The following CATSPERG variants were observed in gnomAD, a reference collection of about 807,000 sequenced individuals.
The protein encoded by CATSPERG is catsper channel auxiliary subunit gamma.
Under a neutral mutation model 145.0 loss-of-function variants are expected in CATSPERG, and 115 were observed. The ratio of observed to expected loss-of-function variants is 0.79; its 90% CI spans 0.68 to 0.93. CATSPERG has a LOEUF of 0.93. Among genes scored for constraint, CATSPERG ranks in the 40% least tolerant of loss-of-function variants. CATSPERG has a pLI of 0.00. For synonymous variants in CATSPERG, 588 were observed against 589.0 expected, an observed-to-expected ratio of 1.00 and a Z score of 0.02; for missense variants, 1,296 against 1,490.1, an observed-to-expected ratio of 0.87 and a Z score of 2.14.
intron 11 of CATSPERG, 106 bp downstream of exon 11, chr19:38,356,967 A>T: frequency 7.1e-7 from 1 of 1,406,924 alleles, no homozygotes; most frequent in Non-Finnish European, 9.8e-7. Context: ...AGGGAGGGCA[A>T]CATTACCTGT....
At chr19:38,345,633 T>C (rs1158919690) in intron 6 of CATSPERG, among the ~76,000 whole-genome samples, 2 of 151,782 alleles carry the variant, frequency 1.3e-5, no homozygotes, top group Non-Finnish European at 2.9e-5. Flanking sequence ...GCCTCCTGAG[T>C]AGCTGGGATT....
chr19:38,355,539 G>A (rs1240467330), intron 9 of CATSPERG, among the ~76,000 whole-genome samples: 1 of 151,646 alleles, frequency 6.6e-6, no homozygotes, highest in Non-Finnish European at 1.5e-5. Flanking sequence ...TCTACTAAAA[G>A]TACAAAAATC....
chr19:38,362,302 G>T lies in CATSPERG; in HGVS notation c.2157+30G>T, dbSNP rs759162934. 1.9e-6 allele frequency: 3 copies of T among 1,613,628 alleles called. No homozygotes were observed. In the Admixed American group the frequency reaches 5.0e-5, roughly 27 times the overall value. On this transcript the variant is annotated intron_variant, in intron 18 of 28. Coordinates refer to ENST00000409235, the MANE Select transcript of CATSPERG (RefSeq NM_021185.5). ...GCGGAGCGGATTGGGAGCCGGGAAAGGGGCGGCGCCCGGACACCCCTCACC... is the reference window on the plus strand; with the variant it reads ...GCGGAGCGGATTGGGAGCCGGGAAATGGGCGGCGCCCGGACACCCCTCACC...
intron 28 of CATSPERG, 111 bp from the exon 29 acceptor site, chr19:38,370,415 C>T: frequency 6.7e-7 from 1 of 1,483,368 alleles, no homozygotes. Context: ...TCATTCATTT[C>T]CTCCTGCTGT....
chr19:38,362,387 C>G lies in CATSPERG; in HGVS notation c.2169C>G (p.Phe723Leu). Residue 723 changes from phenylalanine (F) to leucine (L), a missense_variant, in exon 19 of 29, where the codon TTC (phenylalanine) becomes TTG (leucine). Coordinates refer to ENST00000409235, the MANE Select transcript of CATSPERG (RefSeq NM_021185.5). Reference sequence around the variant, plus strand: ...ATCCGGTACCCCAGGATTACTACTTCTTCTTGGCGAGCAATTGGCGAAGCG... The same window carrying G: ...ATCCGGTACCCCAGGATTACTACTTGTTCTTGGCGAGCAATTGGCGAAGCG... ...ANNKQDQDYY[F>L]FLASNWRSAG... is the part of the protein sequence containing the mutation. 1 of 1,614,198 alleles carries G rather than the reference C, an allele frequency of 6.2e-7. No individual in the cohort carries two copies. The highest frequency in any genetic ancestry group is 2.2e-5 in the East Asian group (1 of 44,872).
Position 38,360,797 on chromosome 19 carries a change from C to T in CATSPERG, c.1834C>T (p.Leu612=). The change falls in exon 16 of 29, where the codon CTG becomes TTG. Residue 612 remains leucine (L), a synonymous_variant. Transcript: ENST00000409235. The part of the protein sequence containing the change: ...VKRLVPVEQL[L]MYQQHTSHYD... ...GAGGCTCGTGCCCGTGGAGCAGCTT[C>T]TGATGTATCAACAGCACACCAGCCA... 6.2e-7 allele frequency: 1 copy of T among 1,611,620 alleles called. No individual in the cohort carries two copies. The highest frequency in any genetic ancestry group is 8.5e-7 in the Non-Finnish European group (1 of 1,179,196).
chr19:38,353,427 A>G (rs148449188), intron 8 of CATSPERG, among the ~76,000 whole-genome samples: 15 of 149,102 alleles, frequency 1.0e-4, no homozygotes, highest in Middle Eastern at 3.7e-3. Flanking sequence ...AGTAGCTCAC[A>G]CCTGTAATCC....
intron 1 of CATSPERG, chr19:38,336,276 G>A (rs1013881160): frequency 2.2e-6 from 1 of 451,816 alleles, no homozygotes; most frequent in South Asian, 1.6e-5. Flanking sequence ...ACAACGAAGG[G>A]CGAGGAAAGA....
At chr19:38,349,715 A>T (rs1263377577) in intron 7 of CATSPERG, 1 of 152,332 alleles carries the variant, frequency 6.6e-6, no homozygotes, top group Non-Finnish European at 1.5e-5. Flanking sequence ...CCCAGGCTGG[A>T]GTGCAGTGGC....
At chr19:38,367,081 C>A (rs1970462667) in intron 22 of CATSPERG, 75 bp from the exon 23 acceptor site, 3 of 1,412,550 alleles carry the variant, frequency 2.1e-6, no homozygotes, top group Non-Finnish European at 2.8e-6. Flanking sequence ...GGGGACTGTC[C>A]TTCCTGCCCC....
At position 38,359,505 on chromosome 19, in the gene CATSPERG, T is replaced by A. The variant is rs1253543574; in HGVS notation, c.1532T>A (p.Phe511Tyr). 7.4e-6 allele frequency: 12 copies of A among 1,613,580 alleles called. No individual in the cohort carries two copies. The highest frequency in any genetic ancestry group is 1.0e-5 in the Non-Finnish European group (12 of 1,179,724). The change falls in exon 14 of 29, where the codon TTC becomes TAC. Residue 511 changes from phenylalanine (F) to tyrosine (Y), a missense_variant. Coordinates refer to ENST00000409235, the MANE Select transcript of CATSPERG (RefSeq NM_021185.5). ...NKENFIYLAD[F>Y]PKELSIKYMA... ...GAAAACTTCATCTACCTGGCAGACTTCCCCAAGGAACTGTCCATCAAATAC... is the reference window on the plus strand; with the variant it reads ...GAAAACTTCATCTACCTGGCAGACTACCCCAAGGAACTGTCCATCAAATAC...
rs142661600 is a variant in CATSPERG, at chr19:38,339,311, C to T, written c.324+1665C>T. Reference sequence around the variant, plus strand: ...CAGAGCCATGAGCCCTGGATTCTATCGAGGCCATGAGGGATTTTATGCCCT... The same window carrying T: ...CAGAGCCATGAGCCCTGGATTCTATTGAGGCCATGAGGGATTTTATGCCCT... On this transcript the variant is annotated intron_variant, in intron 3 of 28. Transcript: ENST00000409235. 6.5e-3 allele frequency among the ~76,000 whole-genome samples: 995 copies of T among 152,296 alleles called. 8 individuals are homozygous for T. Among genetic ancestry groups the T allele is most frequent in the African/African-American group, 0.022 (931 of 41,550 alleles).
intron 3 of CATSPERG, among the ~76,000 whole-genome samples, chr19:38,339,269 C>A (rs1232299333): frequency 2.1e-5 from 3 of 141,522 alleles, no homozygotes; most frequent in Non-Finnish European, 3.2e-5. Context: ...AAGGAGCAAG[C>A]AAGTCTAGAC....
In CATSPERG at chr19:38,368,104, T is replaced by TTCA. The variant is rs1809546071; in HGVS notation, c.2988_2990dup (p.His997dup). Reference sequence around the variant, plus strand: ...ACAAGGACCACCAAAGACTCAGCCTTTCACATCATGTCCCACGAGAGCCCA... The same window carrying TTCA: ...ACAAGGACCACCAAAGACTCAGCCTTTCATCACATCATGTCCCACGAGAGCCCA... On this transcript the variant is annotated inframe_insertion, in exon 26 of 29. Coordinates refer to ENST00000409235, the MANE Select transcript of CATSPERG (RefSeq NM_021185.5). 1.9e-6 allele frequency: 3 copies of TTCA among 1,614,186 alleles called. No homozygotes were observed. Among genetic ancestry groups the TTCA allele is most frequent in the Non-Finnish European group, 2.5e-6 (3 of 1,180,034 alleles).
intron 7 of CATSPERG, among the ~76,000 whole-genome samples, chr19:38,351,535 G>A (rs1368455398): frequency 6.6e-6 from 1 of 151,900 alleles, no homozygotes; most frequent in African/African-American, 2.4e-5. Context: ...GTGAACCCGG[G>A]AGGCGGAGCT....
At chr19:38,343,857 C>A in intron 4 of CATSPERG, 133 bp downstream of exon 4, 1 of 1,391,174 alleles carries the variant, frequency 7.2e-7, no homozygotes, top group Non-Finnish European at 9.7e-7. Flanking sequence ...CCTAGAGGGG[C>A]CACACAGAGG....
intron 28 of CATSPERG, 21 bp from the exon 29 acceptor site, chr19:38,370,505 C>T (rs1970527988): frequency 6.8e-6 from 11 of 1,613,970 alleles, no homozygotes; most frequent in Non-Finnish European, 8.5e-6. Context: ...CAACTCCTTA[C>T]TCATTCTTTG....
In CATSPERG at chr19:38,359,473, T is replaced by A. The variant is rs777040586; in HGVS notation, c.1500T>A (p.Ser500=). 6.2e-7 allele frequency: 1 copy of A among 1,610,826 alleles called. No individual in the cohort carries two copies. Among genetic ancestry groups the A allele is most frequent in the Admixed American group, 1.7e-5 (1 of 59,980 alleles). Reference sequence around the variant, plus strand: ...CTCTCCATCTCTGTCCCTGCAGCTCTAACAAGGAAAACTTCATCTACCTGG... The same window carrying A: ...CTCTCCATCTCTGTCCCTGCAGCTCAAACAAGGAAAACTTCATCTACCTGG... The part of the protein sequence containing the change: ...FIWGNFLLQS[S]NKENFIYLAD... The change falls in exon 14 of 29, where the codon TCT becomes TCA. Residue 500 remains serine, a synonymous_variant. Transcript: ENST00000409235.
In CATSPERG at chr19:38,360,492, T is replaced by C; in HGVS notation, c.1612T>C (p.Trp538Arg). The C allele has an allele frequency of 6.2e-7, 1 of 1,613,986 alleles. No homozygotes were observed. The highest frequency in any genetic ancestry group is 2.2e-5 in the East Asian group (1 of 44,880). Residue 538 changes from tryptophan to arginine, a missense_variant, in exon 15 of 29, where the codon TGG becomes CGG. Transcript: ENST00000409235. The stretch of plus-strand genomic sequence containing the variant: ...CATCCGGCTGTCATACCCGCAGATC[T>C]GGTACCTCCTGGAGGGCAGCTACCG... ...VAIVTETEEI[W>R]YLLEGSYRVY... is the part of the protein sequence containing the mutation.
Sources: gnomAD v4.1 joint callset for allele counts (sites outside exome capture counted in the v4.1 genomes callset) on GRCh38, gnomAD v4.1.1 for gene constraint, MANE v1.5 for transcripts, NCBI Gene and HGNC (gene_info 2026-07-23, HGNC 2026-07-21) for gene names.